SNX29: variants seen among roughly 807,000 people sequenced by gnomAD.
SNX29 encodes the protein sorting nexin-29.
Under a neutral mutation model 102.1 loss-of-function variants are expected in SNX29, and 78 were observed. The ratio of observed to expected loss-of-function variants is 0.76; its 90% CI spans 0.64 to 0.92. The LOEUF (loss-of-function observed/expected upper bound fraction) is 0.92, where lower values mean the gene tolerates loss of function less well. Among genes scored for constraint, SNX29 ranks in the 40% least tolerant of loss-of-function variants. The pLI is 0.00. For synonymous variants in SNX29, 580 were observed against 414.5 expected, an observed-to-expected ratio of 1.40 and a Z score of -4.85; for missense variants, 1,280 against 1,061.7, an observed-to-expected ratio of 1.21 and a Z score of -2.86.
chr16:12,394,072 T>C (rs1361894417), intron 16 of SNX29, among the ~76,000 whole-genome samples: 1 of 152,194 alleles, frequency 6.6e-6, no homozygotes, highest in Admixed American at 6.5e-5. Flanking sequence ...TGGGACTTCC[T>C]AGGGGCAAAG....
chr16:12,082,311 C>T (rs1188200102), intron 11 of SNX29, among the ~76,000 whole-genome samples: 1 of 152,088 alleles, frequency 6.6e-6, no homozygotes. Context: ...AGGTGTCTGA[C>T]ATTCTGTTTC....
intron 14 of SNX29, among the ~76,000 whole-genome samples, chr16:12,248,381 T>C (rs2078322025): frequency 6.6e-6 from 1 of 150,792 alleles, no homozygotes. Context: ...CCTCTCCCCA[T>C]CCAGATCTCT....
chr16:12,216,496 A>G (rs2077327338), intron 14 of SNX29, among the ~76,000 whole-genome samples: 1 of 152,236 alleles, frequency 6.6e-6, no homozygotes, highest in Admixed American at 6.5e-5. Context: ...GTCCGAGATG[A>G]CAAGAAGTCG....
At chr16:12,269,187 T>A (rs1339955370) in intron 14 of SNX29, among the ~76,000 whole-genome samples, 4 of 152,240 alleles carry the variant, frequency 2.6e-5, no homozygotes, top group African/African-American at 9.6e-5. Flanking sequence ...TCTATAATTA[T>A]GCCATCAGGG....
At chr16:12,187,437 A>C (rs1210354906) in intron 13 of SNX29, among the ~76,000 whole-genome samples, 1 of 151,966 alleles carries the variant, frequency 6.6e-6, no homozygotes, top group Non-Finnish European at 1.5e-5. Flanking sequence ...AATCCCAGCT[A>C]CTTGGGAGGC....
At chr16:12,231,011 C>T (rs1448299541) in intron 14 of SNX29, among the ~76,000 whole-genome samples, 5 of 151,088 alleles carry the variant, frequency 3.3e-5, no homozygotes, top group African/African-American at 9.9e-5. Context: ...CCACCACACC[C>T]GGCTAATTTT....
At position 12,468,195 on chromosome 16, in the gene SNX29, T is replaced by TTTA. The variant is rs375872903; in HGVS notation, c.2038-9524_2038-9523insTTA. 1.3e-4 allele frequency among the ~76,000 whole-genome samples: 13 copies of TTTA among 103,242 alleles called. No individual in the cohort carries two copies. The Admixed American group carries it at 1.3e-3, about 10-fold the overall frequency. 67.7% of individuals were successfully genotyped at this position (103,242 alleles called of 152,430 possible). A position where few individuals can be genotyped will look rare whatever the true frequency, so the allele number is the denominator to read the frequency against. ...TTTTTTTTTTTTTTTTTTTTTTTTT[T>TTTA]AGGGGGAGTTTTACTGTTTCCCAGG... On this transcript the variant is annotated intron_variant, in intron 18 of 20. Coordinates refer to ENST00000566228, the MANE Select transcript of SNX29 (RefSeq NM_032167.5).
At chr16:12,549,193 A>AC (rs1383051466) in intron 20 of SNX29, among the ~76,000 whole-genome samples, 1 of 151,872 alleles carries the variant, frequency 6.6e-6, no homozygotes. Flanking sequence ...GGGGCTAGGC[A>AC]CCCCTCACGA....
At chr16:12,364,789 G>A (rs2082413309) in intron 16 of SNX29, among the ~76,000 whole-genome samples, 1 of 152,110 alleles carries the variant, frequency 6.6e-6, no homozygotes, top group Admixed American at 6.5e-5. Context: ...CTCCACTTAA[G>A]CAGAAAAGAT....
Position 12,492,226 on chromosome 16 carries a change from A to G in SNX29, c.2178+14367A>G, listed in dbSNP as rs992378324. ...GACTTTTTAATGATCGCCATTCTAAATGGTGTGAGATGGTATCTCATTGTG... is the reference window on the plus strand; with the variant it reads ...GACTTTTTAATGATCGCCATTCTAAGTGGTGTGAGATGGTATCTCATTGTG... On this transcript the variant is annotated intron_variant, in intron 19 of 20. Transcript: ENST00000566228. Among the ~76,000 whole-genome samples, 3 of 152,260 alleles carry G rather than the reference A, an allele frequency of 2.0e-5. No individual in the cohort carries two copies. In the South Asian group the frequency reaches 6.2e-4, roughly 32 times the overall value.
In SNX29 at chr16:12,569,335, G is replaced by A. The variant is rs186773896; in HGVS notation, c.*706G>A. The A allele has an allele frequency of 4.8e-4, 111 of 230,082 alleles. 1 individual carries two copies. The highest frequency in any genetic ancestry group is 2.1e-3 in the African/African-American group (97 of 45,258). The allele number at this position is 230,082 out of a possible 1,614,324, so 14.3% of individuals were successfully genotyped here. A position where few individuals can be genotyped will look rare whatever the true frequency, so the allele number is the denominator to read the frequency against. Reference sequence around the variant, plus strand: ...AGGACCAGTGCCCTCCATAGCCTGAGGCCACCTAGGCCCTCGCCAGGCTTG... The same window carrying A: ...AGGACCAGTGCCCTCCATAGCCTGAAGCCACCTAGGCCCTCGCCAGGCTTG... On this transcript the variant is annotated 3_prime_UTR_variant, in exon 21 of 21. Coordinates refer to ENST00000566228, the MANE Select transcript of SNX29 (RefSeq NM_032167.5).
At chr16:12,024,911 C>T (rs1189736234) in intron 3 of SNX29, among the ~76,000 whole-genome samples, 1 of 152,022 alleles carries the variant, frequency 6.6e-6, no homozygotes, top group African/African-American at 2.4e-5. Context: ...GAGACAGACC[C>T]CTGATCTAGG....
At chr16:12,401,367 T>TC (rs1468260667) in intron 17 of SNX29, among the ~76,000 whole-genome samples, 1 of 144,596 alleles carries the variant, frequency 6.9e-6, no homozygotes, top group African/African-American at 2.6e-5. Flanking sequence ...AAATTTTTTT[T>TC]TTTTTTTTTT....
chr16:12,380,377 C>CACCCACCCACCCACCCCTCATCT, intron 16 of SNX29, among the ~76,000 whole-genome samples: 1 of 60,492 alleles, frequency 1.7e-5, no homozygotes, highest in Non-Finnish European at 3.4e-5. Context: ...TCCACTTATC[C>CACCCACCCACCCACCCCTCATCT]ACCCACCCAC....
At chr16:12,336,963 C>CA (rs536064856) in intron 15 of SNX29, among the ~76,000 whole-genome samples, 1 of 152,240 alleles carries the variant, frequency 6.6e-6, no homozygotes, top group South Asian at 2.1e-4. Context: ...AACAAACAAA[C>CA]AAAAAACAGA....
At chr16:12,534,278 C>A (rs8057138) in intron 20 of SNX29, among the ~76,000 whole-genome samples, 1 of 152,232 alleles carries the variant, frequency 6.6e-6, no homozygotes, top group Non-Finnish European at 1.5e-5. Context: ...GCACACCTGC[C>A]GTCTTTCTCC....
intron 11 of SNX29, among the ~76,000 whole-genome samples, chr16:12,117,947 C>G (rs558580359): frequency 1.3e-5 from 2 of 151,942 alleles, no homozygotes; most frequent in Admixed American, 1.3e-4. Context: ...TACAAAAAAA[C>G]TTAGCCGGGT....
At chr16:12,319,126 G>A (rs2080847419) in intron 15 of SNX29, among the ~76,000 whole-genome samples, 1 of 152,162 alleles carries the variant, frequency 6.6e-6, no homozygotes, top group Non-Finnish European at 1.5e-5. Flanking sequence ...ACAACTAGGG[G>A]TGGGCTTTTG....
chr16:12,279,933 G>A (rs538185845), intron 15 of SNX29, among the ~76,000 whole-genome samples: 1 of 152,188 alleles, frequency 6.6e-6, no homozygotes, highest in Non-Finnish European at 1.5e-5. Flanking sequence ...GTGCAGCTCA[G>A]TGAGGGTGCC....
Sources: gnomAD v4.1 joint callset for allele counts (sites outside exome capture counted in the v4.1 genomes callset) on GRCh38, gnomAD v4.1.1 for gene constraint, MANE v1.5 for transcripts, NCBI Gene and HGNC (gene_info 2026-07-23, HGNC 2026-07-21) for gene names.